HS2ST1: variants seen among roughly 807,000 people sequenced by gnomAD.
HS2ST1 encodes 2-O-sulfotransferase.
HS2ST1 carries 18 observed loss-of-function variants against 42.9 expected under a neutral mutation model. The ratio of observed to expected loss-of-function variants is 0.42; its 90% CI spans 0.29 to 0.62. The LOEUF (loss-of-function observed/expected upper bound fraction) is 0.62. HS2ST1 is among the 20% of genes least tolerant of loss of function. The probability of loss-of-function intolerance (pLI) is 0.21; values close to 1 mark genes in which losing one functional copy is unlikely to be tolerated. For missense variants in HS2ST1, 334 were observed against 433.8 expected (o/e 0.77, Z 2.04); for synonymous variants, 146 against 152.9 (o/e 0.95, Z 0.33).
chr1:87,070,995 G>A (rs1293019353), intron 1 of HS2ST1, among the ~76,000 whole-genome samples: 5 of 152,100 alleles, frequency 3.3e-5, no homozygotes, highest in Non-Finnish European at 5.9e-5. Context: ...ATCCAACAGT[G>A]TATTCAATAT....
chr1:87,091,693 G>C (rs1181807170), intron 3 of HS2ST1, among the ~76,000 whole-genome samples: 1 of 151,886 alleles, frequency 6.6e-6, no homozygotes, highest in South Asian at 2.1e-4. Flanking sequence ...AAATCAAAAT[G>C]ACTTTGAAAT....
intron 1 of HS2ST1, among the ~76,000 whole-genome samples, chr1:86,995,530 G>A (rs1259135643): frequency 6.6e-6 from 1 of 152,104 alleles, no homozygotes; most frequent in Non-Finnish European, 1.5e-5. Context: ...GGATTGAGCT[G>A]TTAGAAATAG....
At chr1:87,043,506 A>AT (rs1260807353) in intron 1 of HS2ST1, among the ~76,000 whole-genome samples, 3 of 152,078 alleles carry the variant, frequency 2.0e-5, no homozygotes, top group East Asian at 1.9e-4. Context: ...TAGTAATTGG[A>AT]TTTTTTATCC....
intron 5 of HS2ST1, among the ~76,000 whole-genome samples, chr1:87,101,156 GTTTTT>G (rs1162453464): frequency 4.4e-5 from 4 of 91,102 alleles, no homozygotes; most frequent in African/African-American, 1.3e-4. Context: ...TGTGTTTTTT[GTTTTT>G]TTTTTTTTTT....
At chr1:86,966,010 G>C (rs1648035284) in intron 1 of HS2ST1, among the ~76,000 whole-genome samples, 1 of 152,190 alleles carries the variant, frequency 6.6e-6, no homozygotes, top group Non-Finnish European at 1.5e-5. Context: ...CAAGCCACAG[G>C]CTTCTGCATG....
intron 1 of HS2ST1, among the ~76,000 whole-genome samples, chr1:87,033,870 A>T (rs1650303145): frequency 6.6e-6 from 1 of 152,188 alleles, no homozygotes; most frequent in Non-Finnish European, 1.5e-5. Context: ...TTTAGTTTGC[A>T]TAATACTTTG....
chr1:86,926,358 C>T (rs1026074930), intron 1 of HS2ST1, among the ~76,000 whole-genome samples: 41 of 152,264 alleles, frequency 2.7e-4, no homozygotes, highest in African/African-American at 4.8e-5. Flanking sequence ...AAACTTCAGC[C>T]GCCTTGTCTT....
intron 1 of HS2ST1, among the ~76,000 whole-genome samples, chr1:86,972,405 G>GATTA (rs1349942561): frequency 6.6e-6 from 1 of 152,054 alleles, no homozygotes; most frequent in African/African-American, 2.4e-5. Flanking sequence ...AGGCTGGAGT[G>GATTA]CAGTGGTGTA....
chr1:86,956,079 TGTATATATACATAAGTGA>T (rs1357606909), intron 1 of HS2ST1, among the ~76,000 whole-genome samples: 3 of 152,256 alleles, frequency 2.0e-5, no homozygotes, highest in African/African-American at 7.2e-5. Context: ...CATATATGTG[TGTATATATACATAAGTGA>T]ATATATGCAC....
chr1:86,955,052 C>T (rs1351747111), intron 1 of HS2ST1, among the ~76,000 whole-genome samples: 1 of 151,956 alleles, frequency 6.6e-6, no homozygotes, highest in African/African-American at 2.4e-5. Flanking sequence ...GAGCCGTGAT[C>T]GTGAGGTGAA....
chr1:86,972,708 TC>T, intron 1 of HS2ST1, among the ~76,000 whole-genome samples: 1 of 152,232 alleles, frequency 6.6e-6, no homozygotes, highest in African/African-American at 2.4e-5. Flanking sequence ...TTACACAGTT[TC>T]ATCTAATGTT....
intron 1 of HS2ST1, among the ~76,000 whole-genome samples, chr1:86,944,173 G>A (rs895891510): frequency 2.0e-5 from 3 of 152,024 alleles, no homozygotes; most frequent in Admixed American, 6.6e-5. Context: ...AAAATTATTC[G>A]ATAGTGGAAG....
chr1:87,061,945 T>C (rs982523612), intron 1 of HS2ST1, among the ~76,000 whole-genome samples: 67 of 152,004 alleles, frequency 4.4e-4, no homozygotes, highest in African/African-American at 1.5e-3. Flanking sequence ...GTTTTTGGTT[T>C]ATCTGTTTTT....
chr1:87,098,365 G>T (rs759721759), intron 5 of HS2ST1: 3 of 972,556 alleles, frequency 3.1e-6, no homozygotes, highest in Non-Finnish European at 3.7e-6. Flanking sequence ...GAGAAGCCAA[G>T]GTTATGGCTG....
intron 4 of HS2ST1, among the ~76,000 whole-genome samples, chr1:87,096,048 T>C (rs1293370959): frequency 6.6e-6 from 1 of 151,932 alleles, no homozygotes; most frequent in Non-Finnish European, 1.5e-5. Context: ...TTTTCATATT[T>C]GCTCCTGAAT....
At chr1:87,030,228 C>G (rs766656585) in intron 1 of HS2ST1, among the ~76,000 whole-genome samples, 1 of 152,106 alleles carries the variant, frequency 6.6e-6, no homozygotes, top group Non-Finnish European at 1.5e-5. Flanking sequence ...CTTTTATGTG[C>G]ACAGAATCTT....
intron 4 of HS2ST1, among the ~76,000 whole-genome samples, chr1:87,094,950 A>G (rs1343541911): frequency 1.3e-5 from 2 of 152,148 alleles, no homozygotes; most frequent in African/African-American, 4.8e-5. Flanking sequence ...ATTGATTTAT[A>G]AAAATAAGAA....
At chr1:87,063,057 T>C (rs995814852) in intron 1 of HS2ST1, among the ~76,000 whole-genome samples, 1 of 152,248 alleles carries the variant, frequency 6.6e-6, no homozygotes, top group African/African-American at 2.4e-5. Context: ...TTTAAGTGTG[T>C]AAAGTTGTCA....
intron 1 of HS2ST1, among the ~76,000 whole-genome samples, chr1:86,918,468 G>A (rs1570419916): frequency 6.6e-6 from 1 of 151,590 alleles, no homozygotes; most frequent in South Asian, 2.1e-4. Flanking sequence ...CCCATCTGTC[G>A]TGTGTGTGCG....
Sources: allele counts gnomAD v4.1 joint callset (sites outside exome capture counted in the v4.1 genomes callset), GRCh38; gene constraint gnomAD v4.1.1; transcripts MANE v1.5; gene names NCBI Gene and HGNC (gene_info 2026-07-23, HGNC 2026-07-21).